AFF2: variants seen among roughly 807,000 people sequenced by gnomAD.
AFF2 encodes the protein ALF transcription elongation factor 2, also known as AF4/FMR2 family member 2.
Under a neutral mutation model 76.9 loss-of-function variants are expected in AFF2, and 14 were observed. The observed-to-expected ratio is 0.18, with a 90% confidence interval of 0.12 to 0.28. The LOEUF (loss-of-function observed/expected upper bound fraction) is 0.28, where lower values mean the gene tolerates loss of function less well. Ranked by LOEUF, AFF2 falls within the 10% of genes least tolerant of loss-of-function variation. The probability of loss-of-function intolerance (pLI) is 1.00; values close to 1 mark genes in which losing one functional copy is unlikely to be tolerated. For missense variants in AFF2, 868 were observed against 1,001.1 expected, an observed-to-expected ratio of 0.87 and a Z score of 1.79; for synonymous variants, 398 against 366.7, an observed-to-expected ratio of 1.09 and a Z score of -0.98.
Position 148,953,748 on chromosome X carries a change from A to G in AFF2, c.1557+9A>G, listed in dbSNP as rs1557286905. 1.7e-6 allele frequency: 2 copies of G among 1,199,532 alleles called. No homozygotes were observed. Among genetic ancestry groups the G allele is most frequent in the Admixed American group, 4.4e-5 (2 of 45,477 alleles). On this transcript the variant is annotated intron_variant, in intron 10 of 20. Coordinates refer to ENST00000370460, the MANE Select transcript of AFF2 (RefSeq NM_002025.4). ...GTGTGGCAACTCCAGAGGTGAGTGA[A>G]GGTGCCAGGGCCCTAACCATGATCT... is the stretch of plus-strand genomic sequence containing the variant.
At chrX:148,930,209 C>T (rs2071696499) in intron 9 of AFF2, among the ~76,000 whole-genome samples, 1 of 112,289 alleles carries the variant, frequency 8.9e-6, no homozygotes, top group Non-Finnish European at 1.9e-5. Context: ...AGATTATTCT[C>T]ATCATACAGT....
chrX:148,532,248 A>G (rs1281076142), intron 1 of AFF2, among the ~76,000 whole-genome samples: 1 of 112,344 alleles, frequency 8.9e-6, no homozygotes, highest in Non-Finnish European at 1.9e-5. Context: ...ATTTGTATAA[A>G]TTATGCAAAT....
At chrX:148,987,998 A>G (rs1471735246) in intron 20 of AFF2, among the ~76,000 whole-genome samples, 1 of 112,060 alleles carries the variant, frequency 8.9e-6, no homozygotes, top group Non-Finnish European at 1.9e-5. Context: ...CGCAGCTTGC[A>G]TTTGGAAGCA....
chrX:148,907,205 G>A (rs1030937855), intron 9 of AFF2, among the ~76,000 whole-genome samples: 2 of 112,133 alleles, frequency 1.8e-5, no homozygotes, highest in Non-Finnish European at 1.9e-5. Flanking sequence ...TAGAGTAAAG[G>A]TTCAATACAA....
At position 148,973,510 on chromosome X, in the gene AFF2, G is replaced by A. The variant is rs1603351533; in HGVS notation, c.3307G>A (p.Ala1103Thr). ...CAAAGCTGTGAATTATGCTGATGCC[G>A]CCCTCTCCTTCACTGAATGTGGCAA... ...FGKAVNYADA[A>T]LSFTECGNAM... is the part of the protein sequence containing the mutation. The change falls in exon 16 of 21, where the codon GCC (alanine) becomes ACC (threonine). Residue 1103 changes from alanine (A) to threonine (T), a missense_variant. By Grantham distance (58) the Ala-to-Thr change is moderately conservative. Transcript: ENST00000370460. The A allele has an allele frequency of 8.3e-7, 1 of 1,211,031 alleles. No individual in the cohort carries two copies. The highest frequency in any genetic ancestry group is 1.1e-6 in the Non-Finnish European group (1 of 895,038).
chrX:148,996,665 G>T lies in AFF2; in HGVS notation c.*5333G>T, dbSNP rs1296837600. ...TGTGAATGTAGAAAGCTTATGATAA[G>T]GCCCTAGAGGTATGGGTTGCCCTGG... On this transcript the variant is annotated 3_prime_UTR_variant, in exon 21 of 21. Coordinates refer to ENST00000370460, the MANE Select transcript of AFF2 (RefSeq NM_002025.4). 8.9e-6 allele frequency: 1 copy of T among 111,797 alleles called. No homozygotes were observed. The highest frequency in any genetic ancestry group is 3.3e-5 in the African/African-American group (1 of 30,696). The allele number at this position is 111,797 out of a possible 1,213,427, so 9.2% of individuals were successfully genotyped here.
chrX:148,702,051 A>G (rs2054805753), intron 3 of AFF2, among the ~76,000 whole-genome samples: 1 of 112,125 alleles, frequency 8.9e-6, no homozygotes, highest in Non-Finnish European at 1.9e-5. Context: ...TAAGTGTGCC[A>G]TTATTGTGAA....
intron 1 of AFF2, among the ~76,000 whole-genome samples, chrX:148,503,883 A>C (rs952234097): frequency 8.9e-6 from 1 of 112,055 alleles, no homozygotes; most frequent in Non-Finnish European, 1.9e-5. Context: ...TAAAGGGCCA[A>C]AGCTCAAGTT....
At position 148,739,913 on chromosome X, in the gene AFF2, C is replaced by A. The variant is rs1305290963; in HGVS notation, c.1042-69963C>A. Among the ~76,000 whole-genome samples the A allele has an allele frequency of 6.3e-5, 7 of 111,585 alleles. No individual in the cohort carries two copies. In the Admixed American group the frequency reaches 6.7e-4, roughly 11 times the overall value. ...ATCTTTCCTTCATATATGATGTGTACTTTCACTGGATACAAAATTCTTGGC... is the reference window on the plus strand; with the variant it reads ...ATCTTTCCTTCATATATGATGTGTAATTTCACTGGATACAAAATTCTTGGC... On this transcript the variant is annotated intron_variant, in intron 3 of 20. Transcript: ENST00000370460.
chrX:148,905,544 T>G (rs12842782), intron 9 of AFF2, among the ~76,000 whole-genome samples: 3,466 of 112,209 alleles, frequency 0.031, 54 homozygotes, highest in Non-Finnish European at 0.046. Flanking sequence ...TCAGGGCTTT[T>G]GTCCCTGGGT....
At chrX:148,779,647 C>T (rs1174141461) in intron 3 of AFF2, among the ~76,000 whole-genome samples, 3 of 111,589 alleles carry the variant, frequency 2.7e-5, no homozygotes, top group South Asian at 3.8e-4. Flanking sequence ...TGTCTTTGCA[C>T]GTGAGATGGG....
intron 6 of AFF2, 44 bp downstream of exon 6, chrX:148,843,046 C>T: frequency 9.5e-7 from 1 of 1,053,489 alleles, no homozygotes; most frequent in Non-Finnish European, 1.3e-6. Context: ...CATCCATGTC[C>T]TCTGCTCCCT....
chrX:148,845,067 C>T, intron 7 of AFF2, among the ~76,000 whole-genome samples: 1 of 109,897 alleles, frequency 9.1e-6, no homozygotes, highest in Middle Eastern at 4.6e-3. Context: ...TGCTTTCACT[C>T]CTGCCTCACT....
At position 148,668,744 on chromosome X, in the gene AFF2, CATTTCCTCCTAGGCCTCCTGGCCTGTG is replaced by C. The variant is rs782190057; in HGVS notation, c.1041+5979_1041+6005del. On this transcript the variant is annotated intron_variant, in intron 3 of 20. Transcript: ENST00000370460. Reference sequence around the variant, plus strand: ...CCCTGGACCTGGCCTATGAAACCATCATTTCCTCCTAGGCCTCCTGGCCTGTGATGGGAGGGGCTGCTGTGAAGACCT... The same window carrying C: ...CCCTGGACCTGGCCTATGAAACCATCATGGGAGGGGCTGCTGTGAAGACCT... Among the ~76,000 whole-genome samples the C allele has an allele frequency of 7.1e-5, 8 of 112,137 alleles. No individual in the cohort carries two copies. The East Asian group carries it at 1.7e-3, about 24-fold the overall frequency.
intron 7 of AFF2, among the ~76,000 whole-genome samples, chrX:148,871,203 C>A (rs782267758): frequency 1.8e-4 from 20 of 111,468 alleles, no homozygotes; most frequent in Non-Finnish European, 3.0e-4. Context: ...GAAATTATCT[C>A]TCAGCTTAAG....
intron 3 of AFF2, among the ~76,000 whole-genome samples, chrX:148,758,056 A>G (rs1307814113): frequency 1.8e-5 from 2 of 112,430 alleles, no homozygotes; most frequent in Non-Finnish European, 3.8e-5. Flanking sequence ...ATTAAAAAGT[A>G]CATATTTGCA....
intron 3 of AFF2, among the ~76,000 whole-genome samples, chrX:148,701,383 T>A (rs2054797577): frequency 9.0e-6 from 1 of 111,250 alleles, no homozygotes. Context: ...GTCCTCCATC[T>A]GTTCTGATAT....
chrX:148,990,530 TCG>T (rs1457857109), intron 20 of AFF2, among the ~76,000 whole-genome samples: 2 of 112,546 alleles, frequency 1.8e-5, no homozygotes, highest in Non-Finnish European at 3.8e-5. Flanking sequence ...AAAACTCCAG[TCG>T]CGCTAGTTAG....
intron 1 of AFF2, among the ~76,000 whole-genome samples, chrX:148,648,016 A>C (rs782356086): frequency 1.8e-5 from 2 of 111,821 alleles, no homozygotes; most frequent in Non-Finnish European, 3.8e-5. Context: ...AATGAGCAAA[A>C]TGAGAGTTAT....
Sources: gnomAD v4.1 joint callset for allele counts (sites outside exome capture counted in the v4.1 genomes callset) on GRCh38, gnomAD v4.1.1 for gene constraint, MANE v1.5 for transcripts, NCBI Gene and HGNC (gene_info 2026-07-23, HGNC 2026-07-21) for gene names.